Variants in CSMD2 observed in about 807,000 individuals in gnomAD.
The protein encoded by CSMD2 is CUB and Sushi multiple domains 2.
CSMD2 carries 130 observed loss-of-function variants against 398.5 expected under a neutral mutation model. The ratio of observed to expected loss-of-function variants is 0.33; its 90% CI spans 0.28 to 0.38. The LOEUF (loss-of-function observed/expected upper bound fraction) is 0.38, where lower values mean the gene tolerates loss of function less well. Among genes scored for constraint, CSMD2 ranks in the 10% least tolerant of loss-of-function variants. The pLI is 1.00. For synonymous variants in CSMD2, 1,828 were observed against 1,908.5 expected, an observed-to-expected ratio of 0.96 and a Z score of 1.10; for missense variants, 3,829 against 4,764.9, an observed-to-expected ratio of 0.80 and a Z score of 5.78.
chr1:34,144,230 C>A (rs978435815), intron 1 of CSMD2, among the ~76,000 whole-genome samples: 1 of 152,104 alleles, frequency 6.6e-6, no homozygotes, highest in African/African-American at 2.4e-5. Context: ...CAGCTGCAGG[C>A]GGTGCCAACC....
intron 2 of CSMD2, among the ~76,000 whole-genome samples, chr1:34,072,227 A>G (rs1464433706): frequency 6.6e-6 from 1 of 152,200 alleles, no homozygotes; most frequent in Non-Finnish European, 1.5e-5. Flanking sequence ...ATTTAGTTTT[A>G]GATTTACTTT....
chr1:34,029,100 G>A (rs1456351984), intron 3 of CSMD2, among the ~76,000 whole-genome samples: 5 of 152,148 alleles, frequency 3.3e-5, no homozygotes, highest in South Asian at 2.1e-4. Flanking sequence ...ATTTTGAAAC[G>A]GACACAACAA....
rs115702266 is a variant in CSMD2, at chr1:33,724,638, T to G, written c.2762A>C (p.Asn921Thr). ...CACCAGCGCGCCCACGTAGAAGTCATTCCCATGACGCTGTCCATTTACTGG... is the reference window on the plus strand; with the variant it reads ...CACCAGCGCGCCCACGTAGAAGTCAGTCCCATGACGCTGTCCATTTACTGG... ...GIPVNGQRHG[N>T]DFYVGALVTF... The change falls in exon 18 of 71, where the codon AAT (asparagine) becomes ACT (threonine). Residue 921 changes from asparagine to threonine, a missense_variant. By Grantham distance (65) the Asn-to-Thr change is moderately conservative. Around this residue, in one of 5 missense-constraint regions of CSMD2, gnomAD observed 2,001 missense variants for 2,567.1 expected, o/e 0.78. Transcript: ENST00000373381. 3.1e-6 allele frequency: 5 copies of G among 1,614,194 alleles called. No homozygotes were observed. Among genetic ancestry groups the G allele is most frequent in the Non-Finnish European group, 4.2e-6 (5 of 1,180,032 alleles).
chr1:34,095,955 C>T (rs927195713), intron 1 of CSMD2, among the ~76,000 whole-genome samples: 3 of 151,990 alleles, frequency 2.0e-5, no homozygotes. Flanking sequence ...GAGACACAAC[C>T]AAAAAAGAGA....
chr1:34,049,983 A>G (rs1010125044), intron 2 of CSMD2, among the ~76,000 whole-genome samples: 1 of 152,212 alleles, frequency 6.6e-6, no homozygotes, highest in African/African-American at 2.4e-5. Flanking sequence ...TGCAATGTGA[A>G]GATGCAGTGA....
intron 3 of CSMD2, among the ~76,000 whole-genome samples, chr1:33,990,488 T>G (rs1297191201): frequency 6.6e-6 from 1 of 152,116 alleles, no homozygotes; most frequent in African/African-American, 2.4e-5. Flanking sequence ...TACTCTCCCC[T>G]CACCCCACAC....
intron 5 of CSMD2, among the ~76,000 whole-genome samples, chr1:33,856,794 A>C (rs1288896657): frequency 1.3e-5 from 2 of 151,996 alleles, no homozygotes; most frequent in African/African-American, 4.8e-5. Flanking sequence ...CTAGAGTCCC[A>C]TGGAGCTGAG....
At chr1:33,592,116 G>C (rs1639500090) in intron 44 of CSMD2, 2 of 439,278 alleles carry the variant, frequency 4.6e-6, no homozygotes, top group South Asian at 4.5e-5. Context: ...TCTCAGAGAA[G>C]AGAGAACCCA....
intron 5 of CSMD2, chr1:33,862,275 T>C (rs1176857946): frequency 6.6e-6 from 1 of 151,728 alleles, no homozygotes; most frequent in Non-Finnish European, 1.5e-5. Context: ...CCGATAGCTA[T>C]TGTGGGTTAA....
At chr1:34,098,955 G>T (rs1331962306) in intron 1 of CSMD2, among the ~76,000 whole-genome samples, 1 of 152,134 alleles carries the variant, frequency 6.6e-6, no homozygotes, top group African/African-American at 2.4e-5. Context: ...TAGGAGAAAA[G>T]TAATATGGTG....
chr1:33,523,363 G>T lies in CSMD2; in HGVS notation c.10453C>A (p.Pro3485Thr). The change falls in exon 67 of 71, where the codon CCT (proline) becomes ACT (threonine). Residue 3485 changes from proline to threonine, a missense_variant. Physicochemically the swap from Pro to Thr is conservative, Grantham distance 38. This residue lies in a region of CSMD2 where 917 missense variants were observed against 1,199.5 expected (regional missense o/e 0.76). Coordinates refer to ENST00000373381, the MANE Select transcript of CSMD2 (RefSeq NM_001281956.2). The part of the protein sequence containing the change: ...LLLQVYQITG[P>T]VEIFMNKFKD... ...AACTTATTCATAAAGATCTCCACAG[G>T]CCCTGTAATCTGGTACACCTGGAGT... 6.2e-7 allele frequency: 1 copy of T among 1,602,768 alleles called. No individual in the cohort carries two copies. Among genetic ancestry groups the T allele is most frequent in the Non-Finnish European group, 8.5e-7 (1 of 1,170,160 alleles).
intron 5 of CSMD2, among the ~76,000 whole-genome samples, chr1:33,906,266 C>A (rs1310742214): frequency 6.6e-6 from 1 of 152,204 alleles, no homozygotes; most frequent in African/African-American, 2.4e-5. Context: ...GGGTTAGATC[C>A]AGATGGGCCT....
At chr1:33,845,730 C>T (rs1661287452) in intron 6 of CSMD2, among the ~76,000 whole-genome samples, 3 of 152,216 alleles carry the variant, frequency 2.0e-5, no homozygotes, top group South Asian at 2.1e-4. Flanking sequence ...CAAATGGGTA[C>T]ACCACCCAAG....
intron 19 of CSMD2, 62 bp downstream of exon 19, chr1:33,724,135 T>C: frequency 1.7e-6 from 2 of 1,188,996 alleles, no homozygotes; most frequent in Non-Finnish European, 2.5e-6. Context: ...CAACTTGACC[T>C]GAGGAACTTG....
intron 37 of CSMD2, among the ~76,000 whole-genome samples, chr1:33,619,648 C>G (rs1053446014): frequency 3.3e-5 from 5 of 152,174 alleles, no homozygotes; most frequent in African/African-American, 1.2e-4. Flanking sequence ...ACCCAAACAC[C>G]TGTCAAAACC....
At position 33,635,260 on chromosome 1, in the gene CSMD2, G is replaced by A; in HGVS notation, c.5040C>T (p.Thr1680=). 1 of 1,613,590 alleles carries A rather than the reference G, an allele frequency of 6.2e-7. No homozygotes were observed. The highest frequency in any genetic ancestry group is 1.7e-5 in the Admixed American group (1 of 60,014). ...VLSPNYPQNY[T]SGQICLYFVT... Reference sequence around the variant, plus strand: ...CAAAATACAAGCAGATCTGTCCACTGGTGTAGTTCTGGGGGTAGTTGGGGG... The same window carrying A: ...CAAAATACAAGCAGATCTGTCCACTAGTGTAGTTCTGGGGGTAGTTGGGGG... The change falls in exon 31 of 71, where the codon ACC becomes ACT. Residue 1680 remains threonine (T), a synonymous_variant. Coordinates refer to ENST00000373381, the MANE Select transcript of CSMD2 (RefSeq NM_001281956.2). The surrounding 1 kb of genome is among the most constrained non-coding windows in gnomAD (Gnocchi z 5.0).
intron 5 of CSMD2, among the ~76,000 whole-genome samples, chr1:33,899,542 G>A (rs1023494934): frequency 2.0e-5 from 3 of 151,914 alleles, no homozygotes; most frequent in South Asian, 2.1e-4. Context: ...CTGGCATGTC[G>A]TTGGTACCCT....
chr1:33,793,792 C>A (rs1378811313), intron 10 of CSMD2, among the ~76,000 whole-genome samples: 1 of 151,888 alleles, frequency 6.6e-6, no homozygotes, highest in Admixed American at 6.6e-5. Flanking sequence ...ATATTTAGGG[C>A]TTTGAGACAG....
At chr1:33,756,858 G>A (rs576193982) in intron 13 of CSMD2, among the ~76,000 whole-genome samples, 6 of 152,062 alleles carry the variant, frequency 3.9e-5, no homozygotes, top group Non-Finnish European at 1.5e-5. Flanking sequence ...ACATGCACAC[G>A]TATGTTTATT....
Sources: gnomAD v4.1 joint callset for allele counts (sites outside exome capture counted in the v4.1 genomes callset) on GRCh38, gnomAD v4.1.1 for gene constraint, gnomAD v4.1.1 regional missense constraint, Gnocchi (gnomAD v3.1) non-coding constraint, MANE v1.5 for transcripts, NCBI Gene and HGNC (gene_info 2026-07-23, HGNC 2026-07-21) for gene names.